MUC5B: variants seen among roughly 807,000 people sequenced by gnomAD.
MUC5B encodes the protein mucin-5B.
MUC5B carries 116 observed loss-of-function variants against 376.9 expected under a neutral mutation model. The observed-to-expected ratio is 0.31, with a 90% CI of 0.26 to 0.36. The LOEUF (loss-of-function observed/expected upper bound fraction) is 0.36. MUC5B is among the 10% of genes least tolerant of loss of function. MUC5B has a pLI of 1.00. For synonymous variants in MUC5B, 3,517 were observed against 3,390.9 expected (o/e 1.04, Z -1.29); for missense variants, 7,165 against 7,769.9 (o/e 0.92, Z 2.93).
At position 1,244,629 on chromosome 11, in the gene MUC5B, G is replaced by C; in HGVS notation, c.7749G>C (p.Thr2583=). 6.3e-7 allele frequency: 1 copy of C among 1,599,140 alleles called. No individual in the cohort carries two copies. The highest frequency in any genetic ancestry group is 2.2e-5 in the East Asian group (1 of 44,668). ...TVHTSTVLTT[T]ATTTGATGSV... ...ACACCTCCACAGTGCTTACCACCAC[G>C]GCCACCACAACCGGGGCCACCGGCT... Residue 2583 remains threonine, a synonymous_variant, in exon 31 of 49, where the codon ACG becomes ACC. Coordinates refer to ENST00000529681, the MANE Select transcript of MUC5B (RefSeq NM_002458.3).
At position 1,242,729 on chromosome 11, in the gene MUC5B, G is replaced by C. The variant is rs878972899; in HGVS notation, c.5849G>C (p.Ser1950Thr). Residue 1950 changes from serine (S) to threonine (T), a missense_variant, in exon 31 of 49, where the codon AGC becomes ACC. Coordinates refer to ENST00000529681, the MANE Select transcript of MUC5B (RefSeq NM_002458.3). Reference protein sequence around the residue: ...TTTATTPTVTSSKATPSSSPG... With the variant: ...TTTATTPTVTTSKATPSSSPG... ...ACGGCCACCACACCCACAGTCACCA[G>C]CTCCAAAGCCACTCCCTCCTCCAGT... 27 of 1,612,810 alleles carry C rather than the reference G, an allele frequency of 1.7e-5. No individual in the cohort carries two copies. The highest frequency in any genetic ancestry group is 1.9e-5 in the Non-Finnish European group (23 of 1,179,492).
At chr11:1,260,318 A>T in intron 46 of MUC5B, 33 bp from the exon 47 acceptor site, 1 of 1,567,394 alleles carries the variant, frequency 6.4e-7, no homozygotes, top group East Asian at 2.4e-5. Flanking sequence ...GGCCCCGCCC[A>T]CAGCCCTGCC....
chr11:1,239,344 G>A (rs1862225969), intron 26 of MUC5B, 94 bp from the exon 27 acceptor site: 15 of 1,478,012 alleles, frequency 1.0e-5, no homozygotes, highest in Non-Finnish European at 1.4e-5. Context: ...TGGCTCTGGG[G>A]ACACCGGCCC....
intron 13 of MUC5B, 39 bp from the exon 14 acceptor site, chr11:1,231,384 C>A (rs772391691): frequency 6.3e-7 from 1 of 1,583,580 alleles, no homozygotes; most frequent in South Asian, 1.2e-5. Context: ...AGATCTGTCC[C>A]TGCACCCCTG....
In MUC5B at chr11:1,248,311, C is replaced by G. The variant is rs374537167; in HGVS notation, c.11431C>G (p.Gln3811Glu). 5.2e-4 allele frequency: 797 copies of G among 1,539,624 alleles called. 20 individuals are homozygous for G. Among genetic ancestry groups the G allele is most frequent in the Non-Finnish European group, 5.4e-4 (608 of 1,119,902 alleles). The change falls in exon 31 of 49, where the codon CAG (glutamine) becomes GAG (glutamate). Residue 3811 changes from glutamine (Q) to glutamate (E), a missense_variant. By Grantham distance (29) the Gln-to-Glu change is conservative. Coordinates refer to ENST00000529681, the MANE Select transcript of MUC5B (RefSeq NM_002458.3). ...SLGTTWTRLS[Q>E]TTTPTATMST... ...GGGCACCACCTGGACCCGCCTATCACAGACCACCACACCCACGGCCACCAT... is the reference window on the plus strand; with the variant it reads ...GGGCACCACCTGGACCCGCCTATCAGAGACCACCACACCCACGGCCACCAT...
chr11:1,251,077 A>G lies in MUC5B; in HGVS notation c.14197A>G (p.Thr4733Ala), dbSNP rs758719048. 7 of 1,610,896 alleles carry G rather than the reference A, an allele frequency of 4.3e-6. No homozygotes were observed. In the East Asian group the frequency reaches 1.6e-4, roughly 36 times the overall value. Residue 4733 changes from threonine (T) to alanine (A), a missense_variant, in exon 31 of 49, where the codon ACC (threonine) becomes GCC (alanine). Around this residue, in one of 31 missense-constraint regions of MUC5B, gnomAD observed 730 missense variants for 592.7 expected, o/e 1.23. Coordinates refer to ENST00000529681, the MANE Select transcript of MUC5B (RefSeq NM_002458.3). ...TTCCTCCTCCAGTCCAAGGACTGCA[A>G]CCACCCTTCCAGTGCTGACAAGCAC... Reference protein sequence around the residue: ...ATSSSSPRTATTLPVLTSTAT... With the variant: ...ATSSSSPRTAATLPVLTSTAT...
chr11:1,248,356 T>C lies in MUC5B; in HGVS notation c.11476T>C (p.Ser3826Pro), dbSNP rs1314274165. 6.2e-7 allele frequency: 1 copy of C among 1,611,036 alleles called. No individual in the cohort carries two copies. Among genetic ancestry groups the C allele is most frequent in the Middle Eastern group, 1.7e-4 (1 of 6,046 alleles). The change falls in exon 31 of 49, where the codon TCC (serine) becomes CCC (proline). Residue 3826 changes from serine (S) to proline (P), a missense_variant. Around this residue, in one of 31 missense-constraint regions of MUC5B, gnomAD observed 242 missense variants for 199.0 expected, o/e 1.22. Transcript: ENST00000529681. ...TATMSTATPS[S>P]TPETAHTSTV... ...CACCATGTCCACAGCCACACCCTCC[T>C]CCACTCCAGAGACTGCCCACACCTC...
At position 1,242,722 on chromosome 11, in the gene MUC5B, G is replaced by T; in HGVS notation, c.5842G>T (p.Val1948Phe). Residue 1948 changes from valine (V) to phenylalanine (F), a missense_variant, in exon 31 of 49, where the codon GTC (valine) becomes TTC (phenylalanine). Transcript: ENST00000529681. The part of the protein sequence containing the change: ...VLTTTATTPT[V>F]TSSKATPSSS... Reference sequence around the variant, plus strand: ...GACCACCACGGCCACCACACCCACAGTCACCAGCTCCAAAGCCACTCCCTC... The same window carrying T: ...GACCACCACGGCCACCACACCCACATTCACCAGCTCCAAAGCCACTCCCTC... 2 of 1,613,086 alleles carry T rather than the reference G, an allele frequency of 1.2e-6. No homozygotes were observed. Among genetic ancestry groups the T allele is most frequent in the Non-Finnish European group, 1.7e-6 (2 of 1,179,502 alleles).
Position 1,248,877 on chromosome 11 carries a change from C to G in MUC5B, c.11997C>G (p.Thr3999=). ...TVTPSSALGT[T]HTPPVPNTTA... is the part of the protein sequence containing the mutation. ...CTCCCTCCTCTGCCCTAGGGACCAC[C>G]CACACACCCCCAGTGCCGAACACCA... The change falls in exon 31 of 49, where the codon ACC becomes ACG. Residue 3999 remains threonine, a synonymous_variant. Coordinates refer to ENST00000529681, the MANE Select transcript of MUC5B (RefSeq NM_002458.3). The G allele has an allele frequency of 6.5e-7, 1 of 1,548,650 alleles. No homozygotes were observed.
In MUC5B at chr11:1,237,040, C is replaced by A; in HGVS notation, c.3173C>A (p.Ser1058Tyr). 1 of 1,577,040 alleles carries A rather than the reference C, an allele frequency of 6.3e-7. No homozygotes were observed. Among genetic ancestry groups the A allele is most frequent in the South Asian group, 1.2e-5 (1 of 85,806 alleles). The stretch of plus-strand genomic sequence containing the variant: ...GAGTTTGGGAACAGCTGGAAGCTCT[C>A]CCCCTCCTGCCCGGACGCCCTGGCA... ...ALEFGNSWKL[S>Y]PSCPDALAPK... The change falls in exon 25 of 49, where the codon TCC becomes TAC. Residue 1058 changes from serine to tyrosine, a missense_variant. Physicochemically the swap from Ser to Tyr is moderately radical, Grantham distance 144. This residue lies in a region of MUC5B where 143 missense variants were observed against 193.2 expected (regional missense o/e 0.74). Coordinates refer to ENST00000529681, the MANE Select transcript of MUC5B (RefSeq NM_002458.3).
chr11:1,225,702 C>T lies in MUC5B; in HGVS notation c.92C>T (p.Pro31Leu), dbSNP rs570127916. The T allele has an allele frequency of 2.0e-5, 32 of 1,605,438 alleles. No individual in the cohort carries two copies. The highest frequency in any genetic ancestry group is 1.7e-4 in the Middle Eastern group (1 of 6,048). ...PQAETQGPVE[P>L]SWENAGHTMD... ...ACAGAGACCCAGGGCCCTGTGGAGC[C>T]GAGCTGGGAGAATGCAGGGCACACC... The change falls in exon 2 of 49, where the codon CCG (proline) becomes CTG (leucine). Residue 31 changes from proline to leucine, a missense_variant. By Grantham distance (98) the Pro-to-Leu change is moderately conservative. Around this residue, in one of 31 missense-constraint regions of MUC5B, gnomAD observed 640 missense variants for 733.0 expected, o/e 0.87. Coordinates refer to ENST00000529681, the MANE Select transcript of MUC5B (RefSeq NM_002458.3).
intron 34 of MUC5B, 57 bp from the exon 35 acceptor site, chr11:1,254,637 C>A: frequency 6.5e-7 from 1 of 1,540,636 alleles, no homozygotes; most frequent in Non-Finnish European, 8.8e-7. Context: ...AGAAGCCCTG[C>A]TCCCCGAGCC....
intron 1 of MUC5B, among the ~76,000 whole-genome samples, chr11:1,225,393 G>A (rs1202012309): frequency 6.6e-6 from 1 of 152,240 alleles, no homozygotes; most frequent in African/African-American, 2.4e-5. Context: ...GGCCGTGCTG[G>A]GGGCAGCTCA....
At chr11:1,256,409 G>A (rs1476578057) in intron 38 of MUC5B, among the ~76,000 whole-genome samples, 184 bp downstream of exon 38, 1 of 151,868 alleles carries the variant, frequency 6.6e-6, no homozygotes, top group East Asian at 1.9e-4. Flanking sequence ...GTCAGGCAGG[G>A]GGCGCATCCC....
In MUC5B at chr11:1,259,801, G is replaced by C. The variant is rs752501699; in HGVS notation, c.16759G>C (p.Val5587Leu). Reference sequence around the variant, plus strand: ...GGCCGGGCAGTGCTGTGGGGAGTGCGTCCAGACCGCCTGCCTCACGCCCGA... The same window carrying C: ...GGCCGGGCAGTGCTGTGGGGAGTGCCTCCAGACCGCCTGCCTCACGCCCGA... Reference protein sequence around the residue: ...RVAGQCCGECVQTACLTPDGQ... With the variant: ...RVAGQCCGECLQTACLTPDGQ... Residue 5587 changes from valine to leucine, a missense_variant, in exon 45 of 49, where the codon GTC becomes CTC. By Grantham distance (32) the Val-to-Leu change is conservative. This residue lies in a region of MUC5B where 842 missense variants were observed against 1,016.9 expected (regional missense o/e 0.83). Transcript: ENST00000529681. 1 of 1,612,382 alleles carries C rather than the reference G, an allele frequency of 6.2e-7. No individual in the cohort carries two copies. Among genetic ancestry groups the C allele is most frequent in the Admixed American group, 1.7e-5 (1 of 60,000 alleles).
intron 15 of MUC5B, 128 bp from the exon 16 acceptor site, chr11:1,232,322 C>T (rs1211328187): frequency 1.5e-6 from 2 of 1,355,698 alleles, no homozygotes; most frequent in African/African-American, 1.4e-5. Flanking sequence ...CCAGAACCCC[C>T]CAAGGCGCAG....
chr11:1,224,120 C>T (rs1473309898), intron 1 of MUC5B, among the ~76,000 whole-genome samples: 1 of 152,222 alleles, frequency 6.6e-6, no homozygotes, highest in Non-Finnish European at 1.5e-5. Flanking sequence ...CACCTCCTTG[C>T]ATCTGATTCT....
rs538248955 is a variant in MUC5B, at chr11:1,253,073, C to T, written c.15217+93C>T. 8.7e-5 allele frequency: 107 copies of T among 1,233,086 alleles called. 1 individual carries two copies. Among genetic ancestry groups the T allele is most frequent in the South Asian group, 5.5e-4 (37 of 67,358 alleles). 76.4% of individuals were successfully genotyped at this position (1,233,086 alleles called of 1,614,324 possible). On this transcript the variant is annotated intron_variant, in intron 33 of 48. Coordinates refer to ENST00000529681, the MANE Select transcript of MUC5B (RefSeq NM_002458.3). This position sits in a 1 kb window ranked among gnomAD's most constrained non-coding sequence, Gnocchi z 4.3. ...TGGCAGAATGGGGCATGGTGGGGCA[C>T]AGTGGGGTGCAGTGGGGAATGGTGG...
chr11:1,246,515 C>T lies in MUC5B; in HGVS notation c.9635C>T (p.Pro3212Leu). 2 of 1,613,346 alleles carry T rather than the reference C, an allele frequency of 1.2e-6. No homozygotes were observed. Among genetic ancestry groups the T allele is most frequent in the Non-Finnish European group, 1.7e-6 (2 of 1,179,590 alleles). ...ACAGTCATCAGCTCCAGAGCCACTCCCTCCTCCAGTCCAGGGACTGCAACC... is the reference window on the plus strand; with the variant it reads ...ACAGTCATCAGCTCCAGAGCCACTCTCTCCTCCAGTCCAGGGACTGCAACC... ...TPTVISSRAT[P>L]SSSPGTATAL... is the part of the protein sequence containing the mutation. The change falls in exon 31 of 49, where the codon CCC becomes CTC. Residue 3212 changes from proline to leucine, a missense_variant. Coordinates refer to ENST00000529681, the MANE Select transcript of MUC5B (RefSeq NM_002458.3).
Sources: gnomAD v4.1 joint callset for allele counts (sites outside exome capture counted in the v4.1 genomes callset) on GRCh38, gnomAD v4.1.1 for gene constraint, gnomAD v4.1.1 regional missense constraint, Gnocchi (gnomAD v3.1) non-coding constraint, MANE v1.5 for transcripts, NCBI Gene and HGNC (gene_info 2026-07-23, HGNC 2026-07-21) for gene names.